The following SDC2 variants were observed in gnomAD, a reference collection of about 807,000 sequenced individuals.
SDC2 encodes the protein syndecan 2.
A neutral mutation model predicts 22.2 loss-of-function variants in SDC2; 13 were observed. The ratio of observed to expected loss-of-function variants is 0.59; its 90% CI spans 0.38 to 0.93. SDC2 has a LOEUF of 0.93. Among genes scored for constraint, SDC2 ranks in the 40% least tolerant of loss-of-function variants. The pLI is 0.00. For synonymous variants in SDC2, 94 were observed against 92.8 expected (o/e 1.01, Z -0.07); for missense variants, 235 against 246.8 (o/e 0.95, Z 0.32).
chr8:96,512,176 C>G (rs1813338596), intron 1 of SDC2, among the ~76,000 whole-genome samples: 1 of 152,194 alleles, frequency 6.6e-6, no homozygotes, highest in Non-Finnish European at 1.5e-5. Flanking sequence ...CGTGGTCACA[C>G]AAGGTACTAT....
intron 1 of SDC2, among the ~76,000 whole-genome samples, chr8:96,500,622 A>G (rs973336704): frequency 1.6e-4 from 23 of 142,102 alleles, no homozygotes; most frequent in African/African-American, 5.9e-4. Flanking sequence ...AGATCATGCC[A>G]TGGCACTGCA....
chr8:96,541,462 G>A (rs151137117), intron 1 of SDC2, among the ~76,000 whole-genome samples: 3 of 139,466 alleles, frequency 2.2e-5, no homozygotes, highest in East Asian at 2.1e-4. Context: ...AGCCGAGATC[G>A]CACCACAATA....
At chr8:96,535,170 A>G (rs570294119) in intron 1 of SDC2, among the ~76,000 whole-genome samples, 59 of 152,132 alleles carry the variant, frequency 3.9e-4, no homozygotes, top group Admixed American at 3.3e-3. Flanking sequence ...CACCACGCCC[A>G]GCTAATTTTT....
intron 1 of SDC2, among the ~76,000 whole-genome samples, chr8:96,534,264 A>T (rs1046377976): frequency 1.3e-5 from 2 of 152,184 alleles, no homozygotes. Context: ...CCCACAGTGC[A>T]GTGGTGGGCT....
At chr8:96,552,279 A>G (rs974219632) in intron 1 of SDC2, among the ~76,000 whole-genome samples, 1 of 152,218 alleles carries the variant, frequency 6.6e-6, no homozygotes, top group Admixed American at 6.5e-5. Flanking sequence ...ACTATATTCT[A>G]TCCAGAGGCC....
intron 1 of SDC2, among the ~76,000 whole-genome samples, chr8:96,578,336 G>A (rs994797565): frequency 2.0e-5 from 3 of 152,180 alleles, no homozygotes; most frequent in African/African-American, 7.2e-5. Context: ...TGATTGAAAA[G>A]TAAATAAGAT....
At chr8:96,512,005 C>G (rs990469739) in intron 1 of SDC2, among the ~76,000 whole-genome samples, 1 of 152,198 alleles carries the variant, frequency 6.6e-6, no homozygotes, top group Non-Finnish European at 1.5e-5. Context: ...TGTGCTCACA[C>G]GCAGTTCTTA....
At chr8:96,528,471 C>G (rs2575732) in intron 1 of SDC2, among the ~76,000 whole-genome samples, 34,909 of 152,050 alleles carry the variant, frequency 0.23, 4,921 homozygotes, top group African/African-American at 0.4. Context: ...GTGCTCATAA[C>G]AATATGGTTA....
chr8:96,576,416 C>CTCTTTTT (rs1464565464), intron 1 of SDC2, among the ~76,000 whole-genome samples: 1 of 13,808 alleles, frequency 7.2e-5, no homozygotes, highest in African/African-American at 2.2e-4. Context: ...TTATTATTCT[C>CTCTTTTT]TTTTTTTTTT....
intron 1 of SDC2, among the ~76,000 whole-genome samples, chr8:96,504,388 C>T (rs900946027): frequency 2.0e-5 from 3 of 152,158 alleles, no homozygotes; most frequent in Non-Finnish European, 2.9e-5. Flanking sequence ...TGTGTACTCT[C>T]CCAAATTAAG....
intron 1 of SDC2, among the ~76,000 whole-genome samples, chr8:96,518,094 GC>G (rs1200130943): frequency 1.3e-5 from 2 of 152,128 alleles, no homozygotes; most frequent in South Asian, 4.1e-4. Context: ...CCTTGGCCTA[GC>G]CCTGACAGTG....
intron 3 of SDC2, among the ~76,000 whole-genome samples, chr8:96,607,445 G>A (rs771869962): frequency 1.6e-4 from 24 of 152,258 alleles, no homozygotes; most frequent in South Asian, 8.3e-4. Flanking sequence ...AAAATGTGCC[G>A]TAATAGATAA....
At chr8:96,503,314 T>C (rs1474199970) in intron 1 of SDC2, among the ~76,000 whole-genome samples, 1 of 152,156 alleles carries the variant, frequency 6.6e-6, no homozygotes, top group African/African-American at 2.4e-5. Flanking sequence ...AATAATAGAG[T>C]AATTGTTAAA....
chr8:96,530,811 A>AGTT (rs1352531117), intron 1 of SDC2, among the ~76,000 whole-genome samples: 7 of 152,358 alleles, frequency 4.6e-5, no homozygotes, highest in Non-Finnish European at 8.8e-5. Context: ...AGTTTATAGA[A>AGTT]CCACATAACA....
intron 1 of SDC2, among the ~76,000 whole-genome samples, chr8:96,560,357 G>A (rs927321998): frequency 6.6e-6 from 1 of 152,162 alleles, no homozygotes; most frequent in Admixed American, 6.5e-5. Flanking sequence ...AACATGAATA[G>A]TCATATCTTC....
At chr8:96,528,696 C>T (rs1331059222) in intron 1 of SDC2, among the ~76,000 whole-genome samples, 1 of 152,014 alleles carries the variant, frequency 6.6e-6, no homozygotes, top group Non-Finnish European at 1.5e-5. Context: ...TTTGGGCTGT[C>T]CAAAATTATA....
intron 1 of SDC2, among the ~76,000 whole-genome samples, chr8:96,518,455 G>A (rs542243149): frequency 6.6e-6 from 1 of 151,380 alleles, no homozygotes; most frequent in South Asian, 2.1e-4. Context: ...CCGCCTCCCA[G>A]GTTCACGTCA....
chr8:96,521,875 A>G (rs776629170), intron 1 of SDC2, among the ~76,000 whole-genome samples: 1 of 152,210 alleles, frequency 6.6e-6, no homozygotes, highest in Non-Finnish European at 1.5e-5. Context: ...TACTTATTGA[A>G]CATTGTCAAC....
chr8:96,588,463 A>G (rs1003852426), intron 1 of SDC2, among the ~76,000 whole-genome samples: 2 of 152,250 alleles, frequency 1.3e-5, no homozygotes, highest in Non-Finnish European at 2.9e-5. Context: ...ATGGAAAGAT[A>G]AGCTACAGTT....
Sources: gnomAD v4.1 joint callset for allele counts (sites outside exome capture counted in the v4.1 genomes callset) on GRCh38, gnomAD v4.1.1 for gene constraint, MANE v1.5 for transcripts, NCBI Gene and HGNC (gene_info 2026-07-23, HGNC 2026-07-21) for gene names.